The following HSD17B12 variants were observed in gnomAD, a reference collection of about 807,000 sequenced individuals.
HSD17B12 encodes the protein very-long-chain 3-oxoacyl-CoA reductase.
A neutral mutation model predicts 39.3 loss-of-function variants in HSD17B12; 32 were observed. The ratio of observed to expected loss-of-function variants is 0.81; its 90% CI spans 0.61 to 1.09. The LOEUF is 1.09. HSD17B12 is among the 50% of genes least tolerant of loss of function. The pLI, the probability that HSD17B12 is intolerant of heterozygous loss-of-function variation, is 0.00. For missense variants in HSD17B12, 342 were observed against 382.9 expected (o/e 0.89, Z 0.89); for synonymous variants, 150 against 146.7 (o/e 1.02, Z -0.16).
At chr11:43,771,912 A>T (rs543526293) in intron 3 of HSD17B12, among the ~76,000 whole-genome samples, 1 of 152,290 alleles carries the variant, frequency 6.6e-6, no homozygotes, top group East Asian at 1.9e-4. Flanking sequence ...TTCTTCTATA[A>T]ACTGTCACCT....
At chr11:43,844,112 A>C (rs1951452675) in intron 9 of HSD17B12, among the ~76,000 whole-genome samples, 1 of 152,052 alleles carries the variant, frequency 6.6e-6, no homozygotes. Flanking sequence ...CTATGTGGCC[A>C]TGTTTCCATT....
chr11:43,713,033 T>C (rs868573306), intron 1 of HSD17B12, among the ~76,000 whole-genome samples: 19 of 152,352 alleles, frequency 1.2e-4, no homozygotes, highest in Middle Eastern at 6.8e-3. Flanking sequence ...GTGAAACCTA[T>C]GTTTTACTCA....
At chr11:43,588,091 T>C in the HSD17B12 span, among the ~76,000 whole-genome samples, 1 of 152,240 alleles carries the variant, frequency 6.6e-6, no homozygotes, top group Non-Finnish European at 1.5e-5. Context: ...TGAGCATTTT[T>C]CTTCCCTGCT....
At chr11:43,702,256 A>G (rs1949971732) in intron 1 of HSD17B12, among the ~76,000 whole-genome samples, 1 of 152,130 alleles carries the variant, frequency 6.6e-6, no homozygotes, top group South Asian at 2.1e-4. Flanking sequence ...TCCAAATATA[A>G]GATTACATCA....
the HSD17B12 span, among the ~76,000 whole-genome samples, chr11:43,602,045 T>C: frequency 6.6e-6 from 1 of 152,194 alleles, no homozygotes; most frequent in Non-Finnish European, 1.5e-5. Flanking sequence ...AACTTTGCTG[T>C]TATTTCACTA....
chr11:43,794,554 TA>T (rs1312593337), intron 3 of HSD17B12, among the ~76,000 whole-genome samples: 1 of 152,142 alleles, frequency 6.6e-6, no homozygotes, highest in Non-Finnish European at 1.5e-5. Flanking sequence ...AATAAGATAA[TA>T]AACAGACTAT....
chr11:43,573,094 A>G, the HSD17B12 span, among the ~76,000 whole-genome samples: 2 of 152,192 alleles, frequency 1.3e-5, no homozygotes, highest in South Asian at 4.1e-4. Flanking sequence ...CTGGGGGAGC[A>G]TTGGGGGAAC....
chr11:43,841,551 A>G (rs1003126205), intron 9 of HSD17B12, among the ~76,000 whole-genome samples: 15 of 152,182 alleles, frequency 9.9e-5, no homozygotes, highest in African/African-American at 3.1e-4. Flanking sequence ...GTTAACTTTT[A>G]TATACCTTTG....
At chr11:43,607,430 A>G in the HSD17B12 span, among the ~76,000 whole-genome samples, 2 of 152,156 alleles carry the variant, frequency 1.3e-5, no homozygotes, top group Non-Finnish European at 2.9e-5. Flanking sequence ...TACTCATACA[A>G]AAGCCGCTCA....
At chr11:43,630,448 T>A in the HSD17B12 span, among the ~76,000 whole-genome samples, 1 of 152,204 alleles carries the variant, frequency 6.6e-6, no homozygotes, top group Non-Finnish European at 1.5e-5. Flanking sequence ...ATTAATGCCC[T>A]ACATTCTGTT....
intron 3 of HSD17B12, among the ~76,000 whole-genome samples, chr11:43,764,248 G>A (rs980769038): frequency 1.3e-5 from 2 of 152,090 alleles, no homozygotes; most frequent in African/African-American, 4.8e-5. Context: ...ATAATGACTA[G>A]TTGTTAGCCA....
the HSD17B12 span, among the ~76,000 whole-genome samples, chr11:43,643,211 A>T: frequency 6.6e-6 from 1 of 152,114 alleles, no homozygotes; most frequent in Non-Finnish European, 1.5e-5. Flanking sequence ...TCTCTCAGTT[A>T]TACGTCTGGG....
At chr11:43,648,345 A>G in the HSD17B12 span, among the ~76,000 whole-genome samples, 1 of 151,982 alleles carries the variant, frequency 6.6e-6, no homozygotes, top group Non-Finnish European at 1.5e-5. Context: ...AAATATTATA[A>G]ATATTGAATT....
At chr11:43,850,593 C>A (rs953478130) in intron 9 of HSD17B12, among the ~76,000 whole-genome samples, 2 of 152,176 alleles carry the variant, frequency 1.3e-5, no homozygotes, top group African/African-American at 4.8e-5. Flanking sequence ...GATGCCCTAC[C>A]ATGTTAAGTT....
intron 1 of HSD17B12, among the ~76,000 whole-genome samples, chr11:43,704,194 G>A (rs900715133): frequency 3.3e-5 from 5 of 152,276 alleles, no homozygotes; most frequent in Middle Eastern, 3.4e-3. Flanking sequence ...TAAGCCTGAC[G>A]AAAAGGTAGA....
At chr11:43,723,062 T>TTA (rs1225109287) in intron 1 of HSD17B12, among the ~76,000 whole-genome samples, 1 of 152,186 alleles carries the variant, frequency 6.6e-6, no homozygotes, top group Non-Finnish European at 1.5e-5. Context: ...CAAGTGTAAT[T>TTA]TATTATTCAC....
intron 1 of HSD17B12, among the ~76,000 whole-genome samples, chr11:43,703,750 T>G (rs1949988801): frequency 6.6e-6 from 1 of 152,168 alleles, no homozygotes; most frequent in Admixed American, 6.5e-5. Flanking sequence ...ATTTCTGCAG[T>G]ATCATTTGTA....
At chr11:43,606,600 C>A in the HSD17B12 span, among the ~76,000 whole-genome samples, 1 of 152,222 alleles carries the variant, frequency 6.6e-6, no homozygotes, top group Non-Finnish European at 1.5e-5. Flanking sequence ...GACTTCAAAT[C>A]TGATGACTGC....
chr11:43,767,852 T>G (rs1398031947), intron 3 of HSD17B12, among the ~76,000 whole-genome samples: 1 of 152,226 alleles, frequency 6.6e-6, no homozygotes, highest in Non-Finnish European at 1.5e-5. Flanking sequence ...GTACAAAATC[T>G]AAGACGCAAT....
Sources: allele counts gnomAD v4.1 joint callset (sites outside exome capture counted in the v4.1 genomes callset), GRCh38; gene constraint gnomAD v4.1.1; transcripts MANE v1.5; gene names NCBI Gene and HGNC (gene_info 2026-07-23, HGNC 2026-07-21).